The following DLG2 variants were observed in gnomAD, a reference collection of about 807,000 sequenced individuals.
DLG2 encodes disks large homolog 2.
Under a neutral mutation model 132.5 loss-of-function variants are expected in DLG2, and 45 were observed. The ratio of observed to expected loss-of-function variants is 0.34; its 90% CI spans 0.27 to 0.44. The LOEUF is 0.44. DLG2 is among the 20% of genes least tolerant of loss of function. The pLI, the probability that DLG2 is intolerant of heterozygous loss-of-function variation, is 1.00. For synonymous variants in DLG2, 424 were observed against 419.6 expected (o/e 1.01, Z -0.13); for missense variants, 1,045 against 1,196.9 (o/e 0.87, Z 1.87).
chr11:84,503,242 C>A (rs1052014791), intron 7 of DLG2, among the ~76,000 whole-genome samples: 1 of 152,122 alleles, frequency 6.6e-6, no homozygotes, highest in Non-Finnish European at 1.5e-5. Context: ...CTGCTTTATT[C>A]ATGTCTGAAT....
At chr11:83,762,948 G>T (rs1295236192) in intron 18 of DLG2, among the ~76,000 whole-genome samples, 1 of 152,150 alleles carries the variant, frequency 6.6e-6, no homozygotes, top group East Asian at 1.9e-4. Flanking sequence ...CTGTGATATA[G>T]TTTCAAGCAA....
intron 7 of DLG2, among the ~76,000 whole-genome samples, chr11:84,468,454 C>A (rs888299464): frequency 1.3e-5 from 2 of 151,522 alleles, no homozygotes; most frequent in Non-Finnish European, 3.0e-5. Context: ...TCCCTCCACA[C>A]ACCAAACCTC....
intron 18 of DLG2, among the ~76,000 whole-genome samples, chr11:83,685,357 C>T (rs2079551129): frequency 6.6e-6 from 1 of 152,134 alleles, no homozygotes; most frequent in South Asian, 2.1e-4. Flanking sequence ...TACAATTGTT[C>T]TTATCAAGGT....
chr11:85,154,102 C>G (rs1594888860), intron 5 of DLG2, among the ~76,000 whole-genome samples: 2 of 121,686 alleles, frequency 1.6e-5, no homozygotes, highest in Non-Finnish European at 3.2e-5. Context: ...ATGAGCCCAT[C>G]ATGGATGCCC....
At chr11:85,075,110 G>T in intron 6 of DLG2, among the ~76,000 whole-genome samples, 1 of 151,730 alleles carries the variant, frequency 6.6e-6, no homozygotes, top group East Asian at 1.9e-4. Context: ...AACTAAAATG[G>T]GATGTTATTT....
chr11:84,714,617 T>TTCTCTTTCTCTCTCTCTC (rs2060942920), intron 6 of DLG2, among the ~76,000 whole-genome samples: 1 of 96,606 alleles, frequency 1.0e-5, no homozygotes, highest in Non-Finnish European at 2.2e-5. Flanking sequence ...CTCTTTCTCT[T>TTCTCTTTCTCTCTCTCTC]TCTCTTTCTC....
In DLG2 at chr11:85,219,756, AC is replaced by A. The variant is rs924978895; in HGVS notation, c.187-65106del. ...ACTTAACTAGATTATATCTGCAAAG[AC>A]CTTACTTCCAAATAAGGTCACATTC... On this transcript the variant is annotated intron_variant, in intron 4 of 27. Transcript: ENST00000376104. 1.2e-3 allele frequency among the ~76,000 whole-genome samples: 172 copies of A among 149,452 alleles called. 1 individual carries two copies. Among genetic ancestry groups the A allele is most frequent in the African/African-American group, 4.1e-3 (164 of 40,460 alleles).
intron 6 of DLG2, among the ~76,000 whole-genome samples, chr11:84,739,186 C>G (rs1427296948): frequency 6.6e-6 from 1 of 151,988 alleles, no homozygotes; most frequent in African/African-American, 2.4e-5. Flanking sequence ...AAAAAAGATT[C>G]ATTTTATTAT....
chr11:85,476,651 A>G (rs1223910380), intron 3 of DLG2, among the ~76,000 whole-genome samples: 1 of 152,086 alleles, frequency 6.6e-6, no homozygotes, highest in Non-Finnish European at 1.5e-5. Flanking sequence ...TTAAAAACTG[A>G]AACACAGGAA....
intron 3 of DLG2, among the ~76,000 whole-genome samples, chr11:85,389,718 C>A (rs1198298066): frequency 2.6e-5 from 4 of 152,042 alleles, no homozygotes; most frequent in African/African-American, 9.7e-5. Context: ...CCTCCACAAA[C>A]AAAACAATTA....
At chr11:85,604,574 C>T (rs1390511792) in intron 2 of DLG2, among the ~76,000 whole-genome samples, 1 of 151,860 alleles carries the variant, frequency 6.6e-6, no homozygotes, top group Non-Finnish European at 1.5e-5. Flanking sequence ...ATCTAAATTG[C>T]CTCAATTCTC....
At chr11:84,486,844 T>A (rs531745816) in intron 7 of DLG2, among the ~76,000 whole-genome samples, 130 of 152,234 alleles carry the variant, frequency 8.5e-4, no homozygotes, top group Middle Eastern at 6.8e-3. Context: ...TATAAAGATA[T>A]TCAAGACCCT....
intron 6 of DLG2, among the ~76,000 whole-genome samples, chr11:85,083,975 T>A (rs551128201): frequency 3.9e-5 from 6 of 152,034 alleles, no homozygotes; most frequent in Non-Finnish European, 7.4e-5. Context: ...ATTCAGTTGG[T>A]TGGGAGGGGG....
chr11:85,057,185 C>T (rs776768677), intron 6 of DLG2, among the ~76,000 whole-genome samples: 3 of 150,960 alleles, frequency 2.0e-5, no homozygotes, highest in Non-Finnish European at 3.0e-5. Context: ...AAATAAAGCC[C>T]GGATATAGTT....
intron 4 of DLG2, among the ~76,000 whole-genome samples, chr11:85,220,878 T>C (rs1209095739): frequency 2.0e-5 from 3 of 152,102 alleles, no homozygotes; most frequent in East Asian, 3.9e-4. Context: ...TTTATCACAA[T>C]TTGTCTTGGC....
At chr11:84,343,567 G>A (rs1356115344) in intron 7 of DLG2, among the ~76,000 whole-genome samples, 2 of 152,140 alleles carry the variant, frequency 1.3e-5, no homozygotes, top group Non-Finnish European at 2.9e-5. Flanking sequence ...AACATCAGAT[G>A]TTTAACACAC....
chr11:85,024,678 T>C (rs1185833131), intron 6 of DLG2, among the ~76,000 whole-genome samples: 1 of 152,220 alleles, frequency 6.6e-6, no homozygotes, highest in East Asian at 1.9e-4. Context: ...AAGCACTCTG[T>C]TGTCTCTGTT....
intron 6 of DLG2, among the ~76,000 whole-genome samples, chr11:84,617,612 G>A (rs898922191): frequency 1.3e-4 from 20 of 151,988 alleles, no homozygotes; most frequent in South Asian, 4.2e-4. Context: ...AAATGTAAAC[G>A]CACTCCAATT....
At chr11:84,765,012 G>A (rs2068205843) in intron 6 of DLG2, among the ~76,000 whole-genome samples, 1 of 152,052 alleles carries the variant, frequency 6.6e-6, no homozygotes, top group South Asian at 2.1e-4. Context: ...ATGTCCAATG[G>A]CAGAAAGTGA....
Sources: gnomAD v4.1 joint callset for allele counts (sites outside exome capture counted in the v4.1 genomes callset) on GRCh38, gnomAD v4.1.1 for gene constraint, MANE v1.5 for transcripts, NCBI Gene and HGNC (gene_info 2026-07-23, HGNC 2026-07-21) for gene names.